PHF21A: variants seen among roughly 807,000 people sequenced by gnomAD.
PHF21A encodes PHD finger protein 21A.
In PHF21A, 11 loss-of-function variants were observed where a neutral mutation model predicts 82.5. That is an observed-to-expected ratio of 0.13 (90% CI 0.08 to 0.22). The LOEUF is 0.22. PHF21A is among the 10% of genes least tolerant of loss of function. The pLI is 1.00. For missense variants in PHF21A, 579 were observed against 837.8 expected, an observed-to-expected ratio of 0.69 and a Z score of 3.81; for synonymous variants, 297 against 302.8, an observed-to-expected ratio of 0.98 and a Z score of 0.20.
chr11:45,994,876 G>C (rs1038629906), intron 6 of PHF21A, among the ~76,000 whole-genome samples: 6 of 152,064 alleles, frequency 3.9e-5, no homozygotes, highest in Non-Finnish European at 7.4e-5. Context: ...TGTCTCCCTG[G>C]TATTTCTCTG....
At chr11:46,021,467 C>A (rs1327204735) in intron 6 of PHF21A, among the ~76,000 whole-genome samples, 1 of 152,074 alleles carries the variant, frequency 6.6e-6, no homozygotes, top group African/African-American at 2.4e-5. Context: ...CATCCTGGGC[C>A]CAAGCATCAC....
At chr11:46,050,145 G>A (rs897563573) in intron 6 of PHF21A, among the ~76,000 whole-genome samples, 1 of 152,274 alleles carries the variant, frequency 6.6e-6, no homozygotes, top group Admixed American at 6.5e-5. Flanking sequence ...AGAAAGAAGA[G>A]ATACTAGCTG....
Position 46,032,304 on chromosome 11 carries a change from C to T in PHF21A, c.153+44450G>A, listed in dbSNP as rs182677662. On this transcript the variant is annotated intron_variant, in intron 6 of 18. Coordinates refer to ENST00000676320, the MANE Select transcript of PHF21A (RefSeq NM_001352027.3). ...CCCTCTCAACCCCAGAAATAAGCTC[C>T]GTTATTTCTTTCTAATATTTTTCTG... 1.2e-4 allele frequency among the ~76,000 whole-genome samples: 18 copies of T among 151,980 alleles called. 1 individual carries two copies. The South Asian group carries it at 1.2e-3, about 11-fold the overall frequency.
chr11:46,010,817 G>A (rs2095397289), intron 6 of PHF21A, among the ~76,000 whole-genome samples: 1 of 152,114 alleles, frequency 6.6e-6, no homozygotes, highest in Admixed American at 6.5e-5. Flanking sequence ...CCTACCCAGT[G>A]GACTGAGGAT....
chr11:45,986,084 A>ACACACACACACACACAC (rs10529223), intron 6 of PHF21A, among the ~76,000 whole-genome samples: 1 of 132,202 alleles, frequency 7.6e-6, no homozygotes, highest in Non-Finnish European at 1.6e-5. Flanking sequence ...CTTCCTTCAA[A>ACACACACACACACACAC]ACACACACAC....
chr11:46,038,295 T>G (rs2096058786), intron 6 of PHF21A, among the ~76,000 whole-genome samples: 1 of 152,072 alleles, frequency 6.6e-6, no homozygotes, highest in Non-Finnish European at 1.5e-5. Context: ...ACCCGGCTAA[T>G]TTTTGTATTT....
At chr11:46,037,564 C>T (rs2096033958) in intron 6 of PHF21A, among the ~76,000 whole-genome samples, 1 of 151,376 alleles carries the variant, frequency 6.6e-6, no homozygotes. Context: ...TCGCTTGAAT[C>T]CGGGAGCCGC....
intron 11 of PHF21A, among the ~76,000 whole-genome samples, 191 bp from the exon 12 acceptor site, chr11:45,950,448 A>G (rs966055661): frequency 2.6e-5 from 4 of 152,102 alleles, no homozygotes; most frequent in Admixed American, 1.3e-4. Flanking sequence ...GCTTCCTTCA[A>G]TGTGGGCCAC....
intron 6 of PHF21A, among the ~76,000 whole-genome samples, chr11:46,043,619 C>T (rs186604386): frequency 1.7e-3 from 194 of 116,620 alleles, no homozygotes; most frequent in African/African-American, 4.6e-3. Context: ...TTACAAAGTG[C>T]CAAAAGGGCC....
chr11:46,033,764 A>T (rs2095919671), intron 6 of PHF21A, among the ~76,000 whole-genome samples: 1 of 152,190 alleles, frequency 6.6e-6, no homozygotes, highest in South Asian at 2.1e-4. Context: ...GATTTCAAAG[A>T]CTTAAAATTG....
intron 6 of PHF21A, among the ~76,000 whole-genome samples, chr11:46,019,672 A>G (rs2095591182): frequency 6.6e-6 from 1 of 152,244 alleles, no homozygotes; most frequent in Non-Finnish European, 1.5e-5. Flanking sequence ...ATCAGACGGC[A>G]TTCCAATCTT....
rs570137680 is a variant in PHF21A at position 45,949,046 on chromosome 11, C to G, written c.1228-100G>C. 1.2e-5 allele frequency: 11 copies of G among 925,836 alleles called. No homozygotes were observed. In the South Asian group the frequency reaches 1.4e-4, roughly 12 times the overall value. 57.4% of individuals were successfully genotyped at this position (925,836 alleles called of 1,614,324 possible). A position where few individuals can be genotyped will look rare whatever the true frequency, so the allele number is the denominator to read the frequency against. On this transcript the variant is annotated intron_variant, in intron 13 of 18. Coordinates refer to ENST00000676320, the MANE Select transcript of PHF21A (RefSeq NM_001352027.3). ...AAGCATGGCATGACTGTCAACATGC[C>G]GACTAGTTAGTGCTAATCATCCTAA...
chr11:46,056,833 A>C (rs2932516), intron 6 of PHF21A, among the ~76,000 whole-genome samples: 137,208 of 152,130 alleles, frequency 0.9, 62,040 homozygotes, highest in East Asian at 1. Flanking sequence ...AGTCAACAAT[A>C]CTCATGCTGT....
chr11:46,019,149 T>C (rs1592068686), intron 6 of PHF21A, among the ~76,000 whole-genome samples: 1 of 152,126 alleles, frequency 6.6e-6, no homozygotes, highest in Non-Finnish European at 1.5e-5. Flanking sequence ...TTTGTGGCTG[T>C]TAATTTCTCA....
At chr11:46,058,227 T>G (rs1447225797) in intron 6 of PHF21A, among the ~76,000 whole-genome samples, 1 of 152,246 alleles carries the variant, frequency 6.6e-6, no homozygotes, top group Non-Finnish European at 1.5e-5. Context: ...TCAAGTATTA[T>G]AACCTCACAA....
intron 7 of PHF21A, among the ~76,000 whole-genome samples, chr11:45,974,255 C>T (rs533753476): frequency 3.2e-4 from 49 of 152,202 alleles, no homozygotes; most frequent in African/African-American, 1.2e-3. Context: ...TTTACCCCTA[C>T]TCTGGTGCTT....
At chr11:45,990,250 CTTTTTTTTTTTTTTT>C (rs201187984) in intron 6 of PHF21A, among the ~76,000 whole-genome samples, 1 of 56,232 alleles carries the variant, frequency 1.8e-5, no homozygotes, top group Non-Finnish European at 4.8e-5. Context: ...TTTTCATCTT[CTTTTTTTTTTTTTTT>C]TTTTTTTTTT....
intron 6 of PHF21A, among the ~76,000 whole-genome samples, chr11:46,032,975 C>CCT (rs1294341944): frequency 1.3e-5 from 2 of 152,068 alleles, no homozygotes; most frequent in African/African-American, 4.8e-5. Context: ...TCCCTAAGAG[C>CCT]CTCTCTCTAA....
intron 18 of PHF21A, 35 bp downstream of exon 18, chr11:45,935,601 A>T: frequency 1.0e-6 from 1 of 993,092 alleles, no homozygotes; most frequent in Non-Finnish European, 1.6e-6. Flanking sequence ...CTCTGCACCT[A>T]TGTATCGACT....
Sources: allele counts gnomAD v4.1 joint callset (sites outside exome capture counted in the v4.1 genomes callset), GRCh38; gene constraint gnomAD v4.1.1; transcripts MANE v1.5; gene names NCBI Gene and HGNC (gene_info 2026-07-23, HGNC 2026-07-21).